EXT2: variants seen among roughly 807,000 people sequenced by gnomAD.
EXT2 encodes exostosin-2.
A neutral mutation model predicts 81.6 loss-of-function variants in EXT2; 53 were observed. That is an observed-to-expected ratio of 0.65 (90% confidence interval 0.52 to 0.82). EXT2 has a LOEUF of 0.82. Ranked by LOEUF, EXT2 falls within the 40% of genes least tolerant of loss-of-function variation. EXT2 has a pLI of 0.00. For synonymous variants in EXT2, 320 were observed against 340.0 expected (o/e 0.94, Z 0.65); for missense variants, 774 against 910.2 (o/e 0.85, Z 1.93).
intron 9 of EXT2, among the ~76,000 whole-genome samples, chr11:44,199,457 T>C (rs534836857): frequency 1.3e-5 from 2 of 152,356 alleles, no homozygotes; most frequent in African/African-American, 4.8e-5. Flanking sequence ...GGGCCTCTCA[T>C]TGGGTCTGGA....
rs1162687977 is a variant in EXT2 at position 44,096,347 on chromosome 11, A to AGGCCGGGGAC, written c.-31+495_-31+496insGGCCGGGGAC. On this transcript the variant is annotated intron_variant, in intron 1 of 13. Coordinates refer to ENST00000533608, the MANE Select transcript of EXT2 (RefSeq NM_207122.2). ...GTAGGGAAGGGGCCAGGGGCATGTT[A>AGGCCGGGGAC]TGCCGGGGACTGGGTGGTCGGGGGC... 3.3e-6 allele frequency: 5 copies of AGGCCGGGGAC among 1,528,736 alleles called. No individual in the cohort carries two copies. The Admixed American group carries it at 9.9e-5, about 30-fold the overall frequency. The allele number at this position is 1,528,736 out of a possible 1,614,324, so 94.7% of individuals were successfully genotyped here. A position where few individuals can be genotyped will look rare whatever the true frequency, so the allele number is the denominator to read the frequency against.
chr11:44,172,150 G>A (rs947789636), intron 8 of EXT2, among the ~76,000 whole-genome samples: 1 of 152,192 alleles, frequency 6.6e-6, no homozygotes, highest in Admixed American at 6.5e-5. Context: ...TGCTTTACGT[G>A]TATTACCTCA....
At chr11:44,151,482 G>A (rs1035850078) in intron 7 of EXT2, among the ~76,000 whole-genome samples, 2 of 151,962 alleles carry the variant, frequency 1.3e-5, no homozygotes, top group Non-Finnish European at 2.9e-5. Context: ...ATAGTATGTA[G>A]CCCCTTCAGT....
At chr11:44,239,689 C>CTTTT in intron 13 of EXT2, among the ~76,000 whole-genome samples, 1 of 85,340 alleles carries the variant, frequency 1.2e-5, no homozygotes, top group Admixed American at 1.3e-4. Context: ...CCCTGCCTGG[C>CTTTT]TTTTTTTTTT....
At chr11:44,144,305 C>T in intron 7 of EXT2, 1 of 1,598,430 alleles carries the variant, frequency 6.3e-7, no homozygotes, top group South Asian at 1.1e-5. Context: ...CAAATGAACT[C>T]CCTGATCTGG....
At chr11:44,196,192 A>G (rs564589288) in intron 8 of EXT2, among the ~76,000 whole-genome samples, 5 of 152,340 alleles carry the variant, frequency 3.3e-5, no homozygotes, top group African/African-American at 1.2e-4. Context: ...ACTTTTGAGA[A>G]TTGTACATTG....
intron 9 of EXT2, among the ~76,000 whole-genome samples, chr11:44,200,598 A>G (rs1337998755): frequency 6.6e-6 from 1 of 152,206 alleles, no homozygotes. Context: ...GCATGTCAGC[A>G]ACCCAGGATG....
intron 7 of EXT2, among the ~76,000 whole-genome samples, chr11:44,171,318 A>C (rs1390171718): frequency 6.6e-6 from 1 of 152,224 alleles, no homozygotes; most frequent in Non-Finnish European, 1.5e-5. Flanking sequence ...ACAAAATACT[A>C]TAAACTCTGC....
Position 44,126,231 on chromosome 11 carries a change from AT to A in EXT2, c.940-577del, listed in dbSNP as rs199973178. On this transcript the variant is annotated intron_variant, in intron 5 of 13. Transcript: ENST00000533608. Reference sequence around the variant, plus strand: ...GAATGAGGAAGAAATTTTTCATTAGATTTTTTTTATAGAACATATTAGTCTT... The same window carrying A: ...GAATGAGGAAGAAATTTTTCATTAGATTTTTTTATAGAACATATTAGTCTT... 9.9e-5 allele frequency among the ~76,000 whole-genome samples: 15 copies of A among 152,178 alleles called. No homozygotes were observed. The South Asian group carries it at 1.0e-3, about 11-fold the overall frequency.
At position 44,250,115 on chromosome 11, in the gene EXT2, A is replaced by G. The variant is rs530381138; in HGVS notation, c.*5828A>G. ...TGCCAGGCAGTGTGGTAGGCCCAAG[A>G]GATATAGCAATTAGAGTTGACTAAG... On this transcript the variant is annotated 3_prime_UTR_variant, in exon 14 of 14. Transcript: ENST00000533608. 4.6e-5 allele frequency among the ~76,000 whole-genome samples: 7 copies of G among 152,328 alleles called. No individual in the cohort carries two copies. The East Asian group carries it at 1.4e-3, about 29-fold the overall frequency.
chr11:44,200,509 A>G (rs1565232140), intron 9 of EXT2, among the ~76,000 whole-genome samples: 1 of 152,174 alleles, frequency 6.6e-6, no homozygotes, highest in Admixed American at 6.5e-5. Context: ...TTAGTTTTAA[A>G]TTTGAATTAA....
intron 8 of EXT2, among the ~76,000 whole-genome samples, chr11:44,189,083 T>G (rs1193701486): frequency 1.3e-5 from 2 of 152,230 alleles, no homozygotes; most frequent in Non-Finnish European, 2.9e-5. Flanking sequence ...TGGCCTGCTC[T>G]TGTGACCCTG....
intron 9 of EXT2, among the ~76,000 whole-genome samples, chr11:44,202,823 G>C (rs1955537345): frequency 6.6e-6 from 1 of 152,168 alleles, no homozygotes; most frequent in South Asian, 2.1e-4. Context: ...TGTTTAACTT[G>C]TTCAAGGTCA....
In EXT2 at chr11:44,158,861, C is replaced by G. The variant is rs555524027; in HGVS notation, c.1174-12750C>G. 1.4e-4 allele frequency among the ~76,000 whole-genome samples: 22 copies of G among 151,910 alleles called. No individual in the cohort carries two copies. In the East Asian group the frequency reaches 4.2e-3, roughly 29 times the overall value. On this transcript the variant is annotated intron_variant, in intron 7 of 13. Coordinates refer to ENST00000533608, the MANE Select transcript of EXT2 (RefSeq NM_207122.2). ...GGATAATTTTGCAGGGTACAGAATT[C>G]TTAAGTGTGTGGTTTTTTTCTCTCA...
At chr11:44,157,007 G>A (rs962424783) in intron 7 of EXT2, among the ~76,000 whole-genome samples, 3 of 152,166 alleles carry the variant, frequency 2.0e-5, no homozygotes, top group Non-Finnish European at 4.4e-5. Flanking sequence ...TGGTGGTCAC[G>A]GATAAGATCT....
intron 8 of EXT2, among the ~76,000 whole-genome samples, chr11:44,180,348 AG>A: frequency 6.6e-6 from 1 of 152,320 alleles, no homozygotes; most frequent in South Asian, 2.1e-4. Context: ...ATGCATTATT[AG>A]AGCTGTATAA....
intron 7 of EXT2, among the ~76,000 whole-genome samples, chr11:44,148,576 T>G (rs901216251): frequency 6.6e-6 from 1 of 152,210 alleles, no homozygotes; most frequent in Non-Finnish European, 1.5e-5. Flanking sequence ...CTCAATTTTC[T>G]CATCATAAAA....
chr11:44,218,508 T>G (rs1472858183), intron 10 of EXT2, among the ~76,000 whole-genome samples: 1 of 152,118 alleles, frequency 6.6e-6, no homozygotes, highest in Non-Finnish European at 1.5e-5. Context: ...AAGTATATGG[T>G]AAAAGCCATC....
chr11:44,105,262 G>A lies in EXT2; in HGVS notation c.-30-2421G>A, dbSNP rs78015252. Among the ~76,000 whole-genome samples, 1,319 of 152,262 alleles carry A rather than the reference G, an allele frequency of 8.7e-3. 22 individuals are homozygous for A. The highest frequency in any genetic ancestry group is 0.03 in the African/African-American group (1,264 of 41,564). On this transcript the variant is annotated intron_variant, in intron 1 of 13. Coordinates refer to ENST00000533608, the MANE Select transcript of EXT2 (RefSeq NM_207122.2). Reference sequence around the variant, plus strand: ...AATAGCTTTCCTGGAAGATCCGTGAGTAGAATGATACCATTTTGTTTATTT... The same window carrying A: ...AATAGCTTTCCTGGAAGATCCGTGAATAGAATGATACCATTTTGTTTATTT...
Sources: gnomAD v4.1 joint callset for allele counts (sites outside exome capture counted in the v4.1 genomes callset) on GRCh38, gnomAD v4.1.1 for gene constraint, MANE v1.5 for transcripts, NCBI Gene and HGNC (gene_info 2026-07-23, HGNC 2026-07-21) for gene names.